DAB1: variants seen among roughly 807,000 people sequenced by gnomAD.
The protein encoded by DAB1 is DAB adaptor protein 1.
DAB1 carries 15 observed loss-of-function variants against 64.6 expected under a neutral mutation model. That is an observed-to-expected ratio of 0.23 (90% CI 0.16 to 0.36). The LOEUF is 0.36. Among genes scored for constraint, DAB1 ranks in the 10% least tolerant of loss-of-function variants. DAB1 has a pLI of 1.00. For synonymous variants in DAB1, 235 were observed against 251.9 expected (o/e 0.93, Z 0.64); for missense variants, 596 against 706.7 (o/e 0.84, Z 1.78).
chr1:57,504,697 A>G (rs1644325083), intron 7 of DAB1, among the ~76,000 whole-genome samples: 1 of 152,194 alleles, frequency 6.6e-6, no homozygotes, highest in Non-Finnish European at 1.5e-5. Flanking sequence ...AAATTGTACC[A>G]TATGGAAAGG....
intron 2 of DAB1, among the ~76,000 whole-genome samples, chr1:57,263,051 T>C (rs977381319): frequency 6.6e-6 from 1 of 152,182 alleles, no homozygotes; most frequent in Non-Finnish European, 1.5e-5. Context: ...TTAAAAGCAG[T>C]GTGACCTGAG....
intron 1 of DAB1, among the ~76,000 whole-genome samples, chr1:57,838,341 A>C (rs1652903823): frequency 6.6e-6 from 1 of 152,262 alleles, no homozygotes; most frequent in Non-Finnish European, 1.5e-5. Context: ...AAAATGCAAC[A>C]GAAAGTTGAG....
At chr1:58,534,043 A>T (rs766439360) in intron 1 of DAB1, 2 of 870,756 alleles carry the variant, frequency 2.3e-6, no homozygotes, top group Admixed American at 3.4e-5. Flanking sequence ...ATCCAGTGAA[A>T]ACAAACATTT....
chr1:57,278,588 C>T (rs767696730), intron 2 of DAB1, among the ~76,000 whole-genome samples: 25 of 152,254 alleles, frequency 1.6e-4, no homozygotes, highest in Non-Finnish European at 2.6e-4. Flanking sequence ...GAGAGGGATT[C>T]TGAGGAGGAG....
intron 5 of DAB1, among the ~76,000 whole-genome samples, chr1:58,016,202 C>T (rs141651360): frequency 6.6e-6 from 1 of 152,070 alleles, no homozygotes; most frequent in Admixed American, 6.6e-5. Flanking sequence ...ATATTTTAGG[C>T]TTTGCTAGTC....
chr1:58,163,494 G>A (rs1655657278), intron 4 of DAB1, among the ~76,000 whole-genome samples: 1 of 152,198 alleles, frequency 6.6e-6, no homozygotes, highest in Admixed American at 6.5e-5. Flanking sequence ...AGAGTTGGAA[G>A]TTGAACAACA....
intron 1 of DAB1, among the ~76,000 whole-genome samples, chr1:57,301,462 C>A (rs530539604): frequency 2.0e-5 from 3 of 152,270 alleles, no homozygotes; most frequent in Middle Eastern, 6.8e-3. Flanking sequence ...GACTGAACGC[C>A]CTGTACTCAT....
intron 7 of DAB1, among the ~76,000 whole-genome samples, chr1:57,559,848 C>T (rs571533338): frequency 1.7e-4 from 26 of 152,314 alleles, no homozygotes; most frequent in African/African-American, 3.4e-4. Flanking sequence ...AAAATAATAT[C>T]GCATCCTTGG....
intron 1 of DAB1, among the ~76,000 whole-genome samples, chr1:58,533,291 T>G (rs1161901714): frequency 6.6e-6 from 1 of 152,206 alleles, no homozygotes; most frequent in African/African-American, 2.4e-5. Flanking sequence ...TGGACTAACA[T>G]ACAGAAGACC....
chr1:58,018,321 T>C (rs1646771183), intron 5 of DAB1, among the ~76,000 whole-genome samples: 1 of 152,156 alleles, frequency 6.6e-6, no homozygotes, highest in Non-Finnish European at 1.5e-5. Flanking sequence ...TGCCAGAATC[T>C]CTGGATTTAA....
chr1:58,293,508 A>T (rs1661896240), intron 4 of DAB1, among the ~76,000 whole-genome samples: 1 of 152,196 alleles, frequency 6.6e-6, no homozygotes, highest in Admixed American at 6.5e-5. Context: ...CCAGTAGAGT[A>T]TAAATAAAGC....
At chr1:57,203,271 T>G (rs944981459) in intron 2 of DAB1, among the ~76,000 whole-genome samples, 3 of 152,208 alleles carry the variant, frequency 2.0e-5, no homozygotes, top group South Asian at 2.1e-4. Flanking sequence ...TCAAGTCCCC[T>G]CTCACTTGTC....
intron 7 of DAB1, among the ~76,000 whole-genome samples, chr1:57,476,095 G>C (rs764259535): frequency 6.6e-6 from 1 of 151,726 alleles, no homozygotes; most frequent in African/African-American, 2.4e-5. Flanking sequence ...GCATGGTGGC[G>C]CACGCCTGTA....
intron 3 of DAB1, among the ~76,000 whole-genome samples, chr1:58,480,343 A>G (rs1645461251): frequency 6.6e-6 from 1 of 152,228 alleles, no homozygotes; most frequent in East Asian, 1.9e-4. Flanking sequence ...TGCACCAGGA[A>G]CACGCTGTAT....
upstream of DAB1, among the ~76,000 whole-genome samples, chr1:57,428,309 C>T (rs1352907520): frequency 1.3e-5 from 2 of 152,120 alleles, no homozygotes; most frequent in East Asian, 3.9e-4. Context: ...ACCAAAATCC[C>T]CCCATTTTCC....
At chr1:58,523,426 T>C (rs1163822546) in intron 2 of DAB1, among the ~76,000 whole-genome samples, 1 of 152,170 alleles carries the variant, frequency 6.6e-6, no homozygotes, top group Non-Finnish European at 1.5e-5. Flanking sequence ...TTCTCTTCAA[T>C]AGCAGTAACA....
At chr1:58,028,364 C>A (rs1646924924) in intron 5 of DAB1, among the ~76,000 whole-genome samples, 1 of 152,178 alleles carries the variant, frequency 6.6e-6, no homozygotes, top group Non-Finnish European at 1.5e-5. Context: ...TCATAGCCAG[C>A]AGCACTATAA....
intron 5 of DAB1, among the ~76,000 whole-genome samples, chr1:57,962,866 C>A (rs1007933075): frequency 6.6e-6 from 1 of 151,050 alleles, no homozygotes; most frequent in Non-Finnish European, 1.5e-5. Flanking sequence ...AGAGTGAGAT[C>A]CTGTCTCAAA....
chr1:57,763,528 A>C (rs1374437035), intron 6 of DAB1, among the ~76,000 whole-genome samples: 2 of 152,042 alleles, frequency 1.3e-5, no homozygotes, highest in African/African-American at 4.8e-5. Context: ...AGGAAAAAAA[A>C]ATTAGCTGGG....
Sources: allele counts gnomAD v4.1 joint callset (sites outside exome capture counted in the v4.1 genomes callset), GRCh38; gene constraint gnomAD v4.1.1; transcripts MANE v1.5; gene names NCBI Gene and HGNC (gene_info 2026-07-23, HGNC 2026-07-21).